Variants in ERG observed in about 807,000 individuals in gnomAD.
ERG encodes the protein ETS transcription factor ERG.
A neutral mutation model predicts 55.3 loss-of-function variants in ERG; 9 were observed. The observed-to-expected ratio is 0.16, with a 90% confidence interval of 0.10 to 0.28. The LOEUF (loss-of-function observed/expected upper bound fraction) is 0.28. Among genes scored for constraint, ERG ranks in the 10% least tolerant of loss-of-function variants. The pLI, the probability that ERG is intolerant of heterozygous loss-of-function variation, is 1.00. For synonymous variants in ERG, 223 were observed against 237.3 expected, an observed-to-expected ratio of 0.94 and a Z score of 0.55; for missense variants, 434 against 631.6, an observed-to-expected ratio of 0.69 and a Z score of 3.35.
intron 2 of ERG, among the ~76,000 whole-genome samples, chr21:38,440,753 C>A (rs1178874081): frequency 7.4e-6 from 1 of 134,518 alleles, no homozygotes; most frequent in Non-Finnish European, 1.5e-5. Context: ...TGTGCCATTG[C>A]ATTCCAGCCT....
At chr21:38,640,690 A>T (rs1315188754) in intron 1 of ERG, among the ~76,000 whole-genome samples, 1 of 152,292 alleles carries the variant, frequency 6.6e-6, no homozygotes, top group Admixed American at 6.5e-5. Context: ...CTGTGAGTCC[A>T]CTAAGCCTCT....
At chr21:38,452,584 A>G (rs1389582150) in intron 1 of ERG, among the ~76,000 whole-genome samples, 2 of 152,224 alleles carry the variant, frequency 1.3e-5, no homozygotes, top group African/African-American at 4.8e-5. Flanking sequence ...GATATTCTTT[A>G]TCTTTAATCA....
At chr21:38,493,240 C>T (rs367800793) in intron 1 of ERG, among the ~76,000 whole-genome samples, 1 of 152,230 alleles carries the variant, frequency 6.6e-6, no homozygotes, top group African/African-American at 2.4e-5. Flanking sequence ...AGCAGCATCA[C>T]TTTATACACT....
chr21:38,660,798 T>C (rs1195728321), intron 1 of ERG: 1 of 151,582 alleles, frequency 6.6e-6, no homozygotes, highest in Non-Finnish European at 1.5e-5. Flanking sequence ...TGGGCGGGAA[T>C]GCACGCGCGT....
intron 6 of ERG, among the ~76,000 whole-genome samples, chr21:38,394,435 C>T (rs1988115682): frequency 1.3e-5 from 2 of 151,922 alleles, no homozygotes; most frequent in African/African-American, 4.8e-5. Flanking sequence ...TCACTGCAAG[C>T]TCCACCTCCC....
At chr21:38,635,304 C>T (rs913641875) in intron 1 of ERG, among the ~76,000 whole-genome samples, 1 of 151,998 alleles carries the variant, frequency 6.6e-6, no homozygotes, top group Non-Finnish European at 1.5e-5. Context: ...ATAGTAGGCT[C>T]ACATTTGTCA....
chr21:38,648,469 C>G (rs535044891), intron 1 of ERG, among the ~76,000 whole-genome samples: 1 of 152,158 alleles, frequency 6.6e-6, no homozygotes, highest in Non-Finnish European at 1.5e-5. Context: ...ATTTATGGAG[C>G]GTGGACAGTA....
rs184430292 is a variant in ERG at position 38,625,136 on chromosome 21, C to G, written c.-150+36522G>C. ...TTTTTTTTTAGAGCAGAAATAGACT[C>G]TATCCAAACCATATGGCATAAAGCT... On this transcript the variant is annotated intron_variant, in intron 1 of 10. Coordinates refer to the ERG transcript ENST00000398910. Among the ~76,000 whole-genome samples the G allele has an allele frequency of 1.8e-4, 27 of 152,190 alleles. No individual in the cohort carries two copies. The East Asian group carries it at 4.6e-3, about 26-fold the overall frequency.
chr21:38,408,142 C>T (rs1006761375), intron 3 of ERG, among the ~76,000 whole-genome samples: 1 of 152,176 alleles, frequency 6.6e-6, no homozygotes. Context: ...GAAAACAAAA[C>T]ATGGCCACTC....
intron 1 of ERG, among the ~76,000 whole-genome samples, chr21:38,621,635 C>G (rs2060290913): frequency 6.6e-6 from 1 of 152,190 alleles, no homozygotes; most frequent in Non-Finnish European, 1.5e-5. Context: ...TGGAGGCCAT[C>G]ATTTGCTACT....
chr21:38,641,654 C>G (rs542849276), intron 1 of ERG, among the ~76,000 whole-genome samples: 1 of 152,086 alleles, frequency 6.6e-6, no homozygotes, highest in East Asian at 1.9e-4. Context: ...TGACATAAAC[C>G]TCTTCCAAAT....
At chr21:38,576,795 C>T (rs2059997295) in intron 1 of ERG, among the ~76,000 whole-genome samples, 1 of 152,046 alleles carries the variant, frequency 6.6e-6, no homozygotes, top group South Asian at 2.1e-4. Flanking sequence ...CTCACCTTCC[C>T]ACCACCGACA....
chr21:38,525,859 G>C (rs993161064), intron 2 of ERG, among the ~76,000 whole-genome samples: 2 of 152,200 alleles, frequency 1.3e-5, no homozygotes, highest in African/African-American at 4.8e-5. Context: ...GAGACGGACT[G>C]AAAGCCAAAT....
intron 1 of ERG, among the ~76,000 whole-genome samples, chr21:38,462,372 A>T (rs958073024): frequency 1.4e-4 from 21 of 151,816 alleles, no homozygotes; most frequent in Non-Finnish European, 2.4e-4. Flanking sequence ...CATATACACA[A>T]TTTTTTTTTA....
chr21:38,587,111 T>C (rs1460945922), upstream of ERG, among the ~76,000 whole-genome samples: 1 of 152,214 alleles, frequency 6.6e-6, no homozygotes, highest in Non-Finnish European at 1.5e-5. Context: ...TTCTTTATAG[T>C]TTTGTGTATT....
chr21:38,445,062 AAACCACTGGAG>A (rs1320137896), intron 2 of ERG, among the ~76,000 whole-genome samples: 1 of 152,092 alleles, frequency 6.6e-6, no homozygotes, highest in Non-Finnish European at 1.5e-5. Context: ...TCCTCTACAC[AAACCACTGGAG>A]AACACATTTT....
At chr21:38,609,247 A>T (rs75155404) in intron 1 of ERG, among the ~76,000 whole-genome samples, 1,560 of 152,314 alleles carry the variant, frequency 0.01, 33 homozygotes, top group African/African-American at 0.035. Flanking sequence ...AAAGATCTGA[A>T]AACACAACAA....
At chr21:38,599,470 C>T (rs976169855) in intron 1 of ERG, among the ~76,000 whole-genome samples, 1 of 152,166 alleles carries the variant, frequency 6.6e-6, no homozygotes, top group Non-Finnish European at 1.5e-5. Context: ...GAATCCGACA[C>T]CAAATTATGA....
intron 3 of ERG, among the ~76,000 whole-genome samples, chr21:38,419,878 C>A (rs534558761): frequency 1.3e-5 from 2 of 152,150 alleles, no homozygotes; most frequent in Admixed American, 6.6e-5. Flanking sequence ...AATCTGAACA[C>A]GGACAAAGCC....
Sources: gnomAD v4.1 joint callset for allele counts (sites outside exome capture counted in the v4.1 genomes callset) on GRCh38, gnomAD v4.1.1 for gene constraint, MANE v1.5 for transcripts, NCBI Gene and HGNC (gene_info 2026-07-23, HGNC 2026-07-21) for gene names.